The following CYP19A1 variants were observed in gnomAD, a reference collection of about 807,000 sequenced individuals.
CYP19A1 encodes cytochrome P450 family 19 subfamily A member 1, also known as aromatase.
A neutral mutation model predicts 44.4 loss-of-function variants in CYP19A1; 32 were observed. The ratio of observed to expected loss-of-function variants is 0.72; its 90% CI spans 0.54 to 0.97. CYP19A1 has a LOEUF of 0.97. Among genes scored for constraint, CYP19A1 ranks in the 50% least tolerant of loss-of-function variants. The pLI is 0.00. For synonymous variants in CYP19A1, 212 were observed against 215.6 expected (o/e 0.98, Z 0.14); for missense variants, 598 against 637.8 (o/e 0.94, Z 0.67).
intron 1 of CYP19A1, among the ~76,000 whole-genome samples, chr15:51,279,465 C>T (rs1157766255): frequency 6.6e-6 from 1 of 152,150 alleles, no homozygotes; most frequent in Non-Finnish European, 1.5e-5. Flanking sequence ...CCACAACCAA[C>T]TTGAATTTGA....
At chr15:51,300,298 T>C (rs2036085591) in intron 1 of CYP19A1, among the ~76,000 whole-genome samples, 1 of 152,242 alleles carries the variant, frequency 6.6e-6, no homozygotes, top group African/African-American at 2.4e-5. Context: ...TCAACATTTT[T>C]CTACACAATT....
chr15:51,305,104 T>C (rs575596465), intron 1 of CYP19A1, among the ~76,000 whole-genome samples: 2 of 152,182 alleles, frequency 1.3e-5, no homozygotes, highest in East Asian at 3.9e-4. Flanking sequence ...TTCACCATAT[T>C]GGCCAGGCTA....
intron 1 of CYP19A1, among the ~76,000 whole-genome samples, chr15:51,295,197 T>C (rs948239317): frequency 9.2e-5 from 14 of 151,952 alleles, no homozygotes; most frequent in African/African-American, 1.5e-4. Context: ...ATAGAATTTT[T>C]TGTGAAGCAC....
chr15:51,323,357 A>G (rs973499960), intron 1 of CYP19A1, among the ~76,000 whole-genome samples: 4 of 152,216 alleles, frequency 2.6e-5, no homozygotes, highest in Admixed American at 6.5e-5. Flanking sequence ...TGTCCTATAG[A>G]AGGAAAAAAT....
chr15:51,333,737 G>C (rs1324702785), intron 1 of CYP19A1, among the ~76,000 whole-genome samples: 2 of 152,092 alleles, frequency 1.3e-5, no homozygotes, highest in Non-Finnish European at 1.5e-5. Flanking sequence ...CTGGTCCCTG[G>C]CTTGAGTCTC....
rs2032446632 is a variant in CYP19A1 at position 51,224,933 on chromosome 15, C to G, written c.452-2408G>C. ...GTGCCTTTGGTTATCCTATTCTTTA[C>G]TCCTAGAATATTTGTCTTTTGTTTT... is the stretch of plus-strand genomic sequence containing the variant. On this transcript the variant is annotated intron_variant, in intron 4 of 9. Coordinates refer to ENST00000396402, the MANE Select transcript of CYP19A1 (RefSeq NM_000103.4). Among the ~76,000 whole-genome samples the G allele has an allele frequency of 2.6e-5, 4 of 152,184 alleles. No homozygotes were observed. The South Asian group carries it at 8.3e-4, about 31-fold the overall frequency.
chr15:51,243,214 GC>G (rs28757163), intron 1 of CYP19A1: 2 of 382,526 alleles, frequency 5.2e-6, no homozygotes, highest in African/African-American at 4.1e-5. Flanking sequence ...TTATCATCTT[GC>G]CCTTGAGTGG....
chr15:51,287,565 C>T lies in CYP19A1; in HGVS notation c.-38-44615G>A, dbSNP rs35784261. Among the ~76,000 whole-genome samples, 835 of 152,346 alleles carry T rather than the reference C, an allele frequency of 5.5e-3. 11 individuals are homozygous for T. The highest frequency in any genetic ancestry group is 0.019 in the African/African-American group (804 of 41,582). On this transcript the variant is annotated intron_variant, in intron 1 of 9. Transcript: ENST00000396402. ...ATCGCTGCTGTGCAGAAGGCAGCCTCTCCCATGCAGGCTTTGTCTCCTGGG... is the reference window on the plus strand; with the variant it reads ...ATCGCTGCTGTGCAGAAGGCAGCCTTTCCCATGCAGGCTTTGTCTCCTGGG...
chr15:51,291,813 C>G (rs190771404), intron 1 of CYP19A1, among the ~76,000 whole-genome samples: 1 of 152,302 alleles, frequency 6.6e-6, no homozygotes, highest in East Asian at 1.9e-4. Flanking sequence ...ATACACTCAG[C>G]TTAGGCACTA....
At chr15:51,279,816 AAAG>A (rs1198295909) in intron 1 of CYP19A1, 1 of 152,256 alleles carries the variant, frequency 6.6e-6, no homozygotes, top group Non-Finnish European at 1.5e-5. Context: ...ATGAGAGAGA[AAAG>A]AGGAGGCTGA....
chr15:51,234,012 GGTTGGAAAA>G (rs1241125283), intron 3 of CYP19A1, among the ~76,000 whole-genome samples: 3 of 152,088 alleles, frequency 2.0e-5, no homozygotes, highest in Non-Finnish European at 4.4e-5. Flanking sequence ...GGACGAAGCT[GGTTGGAAAA>G]GTTGGACCAT....
chr15:51,225,196 GT>G (rs2141071051), intron 4 of CYP19A1, among the ~76,000 whole-genome samples: 1 of 152,266 alleles, frequency 6.6e-6, no homozygotes, highest in South Asian at 2.1e-4. Flanking sequence ...ACCACATCTT[GT>G]TTGTCATTGT....
At chr15:51,291,615 G>A (rs1480470877) in intron 1 of CYP19A1, among the ~76,000 whole-genome samples, 2 of 152,196 alleles carry the variant, frequency 1.3e-5, no homozygotes, top group African/African-American at 2.4e-5. Context: ...CAAGACCAAC[G>A]TAGAGAGGGA....
chr15:51,265,493 A>AG, intron 1 of CYP19A1, among the ~76,000 whole-genome samples: 1 of 152,236 alleles, frequency 6.6e-6, no homozygotes, highest in East Asian at 1.9e-4. Flanking sequence ...AGACAGGCTG[A>AG]GGGAGGCAGG....
At chr15:51,266,002 C>T (rs143414976) in intron 1 of CYP19A1, among the ~76,000 whole-genome samples, 10 of 152,314 alleles carry the variant, frequency 6.6e-5, no homozygotes, top group African/African-American at 2.4e-4. Context: ...ATCTAGCTTC[C>T]GCCAACCTTG....
chr15:51,323,814 AC>A (rs1220439442), intron 1 of CYP19A1: 2 of 151,662 alleles, frequency 1.3e-5, no homozygotes, highest in East Asian at 1.9e-4. Flanking sequence ...CTCCCAACTC[AC>A]CACAGGGATT....
intron 1 of CYP19A1, among the ~76,000 whole-genome samples, chr15:51,289,838 G>A (rs563520664): frequency 6.6e-5 from 10 of 152,260 alleles, no homozygotes; most frequent in South Asian, 4.1e-4. Context: ...GAGGGGCTGC[G>A]GAAGAGTCTT....
chr15:51,326,899 A>G, intron 1 of CYP19A1, among the ~76,000 whole-genome samples: 1 of 152,162 alleles, frequency 6.6e-6, no homozygotes, highest in East Asian at 1.9e-4. Flanking sequence ...ATTTCATTGA[A>G]CCATAGGCTT....
In CYP19A1 at chr15:51,227,886, C is replaced by T. The variant is rs368138645; in HGVS notation, c.344G>A (p.Arg115Gln). ...HIMKHNHYSS[R>Q]FGSKLGLQCI... is the part of the protein sequence containing the mutation. ...CTGCAGCCCAAGTTTGCTGCCGAAT[C>T]GAGAGCTGTAATGATTGTGCTTCAT... Residue 115 changes from arginine (R) to glutamine (Q), a missense_variant, in exon 4 of 10, where the codon CGA becomes CAA. Physicochemically the swap from Arg to Gln is conservative, Grantham distance 43. Coordinates refer to ENST00000396402, the MANE Select transcript of CYP19A1 (RefSeq NM_000103.4). 1.3e-6 allele frequency: 2 copies of T among 1,584,168 alleles called. No homozygotes were observed. Among genetic ancestry groups the T allele is most frequent in the African/African-American group, 1.3e-5 (1 of 74,346 alleles).
Sources: gnomAD v4.1 joint callset for allele counts (sites outside exome capture counted in the v4.1 genomes callset) on GRCh38, gnomAD v4.1.1 for gene constraint, MANE v1.5 for transcripts, NCBI Gene and HGNC (gene_info 2026-07-23, HGNC 2026-07-21) for gene names.